Variants in GMEB1 observed in about 807,000 individuals in gnomAD.
GMEB1 encodes the protein glucocorticoid modulatory element binding protein 1, also known as glucocorticoid modulatory element-binding protein 1.
Under a neutral mutation model 52.4 loss-of-function variants are expected in GMEB1, and 6 were observed. The observed-to-expected ratio is 0.11, with a 90% CI of 0.06 to 0.23. GMEB1 has a LOEUF of 0.23. Ranked by LOEUF, GMEB1 falls within the 10% of genes least tolerant of loss-of-function variation. The pLI is 1.00. For synonymous variants in GMEB1, 255 were observed against 244.9 expected (o/e 1.04, Z -0.38); for missense variants, 486 against 685.6 (o/e 0.71, Z 3.25).
chr1:28,702,613 C>A, intron 7 of GMEB1, 44 bp downstream of exon 7: 1 of 1,575,394 alleles, frequency 6.3e-7, no homozygotes, highest in Non-Finnish European at 8.7e-7. Flanking sequence ...GTCTTGTGAG[C>A]CTTATCACCA....
At chr1:28,703,822 T>A (rs1306303980) in intron 7 of GMEB1, among the ~76,000 whole-genome samples, 1 of 152,142 alleles carries the variant, frequency 6.6e-6, no homozygotes, top group Non-Finnish European at 1.5e-5. Flanking sequence ...ACTATTTAAC[T>A]TTTATGATAT....
chr1:28,671,752 AT>A (rs1307319789), intron 1 of GMEB1, among the ~76,000 whole-genome samples: 2 of 151,754 alleles, frequency 1.3e-5, no homozygotes, highest in Non-Finnish European at 2.9e-5. Context: ...TCACTAAAAA[AT>A]AAATAAATAA....
intron 6 of GMEB1, among the ~76,000 whole-genome samples, chr1:28,701,336 C>T (rs1303987531): frequency 7.0e-6 from 1 of 142,950 alleles, no homozygotes; most frequent in Admixed American, 7.4e-5. Context: ...GTGGCGCGAT[C>T]TCGGCTCACT....
intron 1 of GMEB1, 135 bp from the exon 2 acceptor site, chr1:28,683,448 C>T (rs1669488154): frequency 3.2e-6 from 2 of 630,068 alleles, no homozygotes; most frequent in Admixed American, 6.1e-5. Context: ...TGGTCTTGAA[C>T]TCCCAACCTC....
rs897034916 is a variant in GMEB1, at chr1:28,714,346, G to A, written c.1265G>A (p.Ser422Asn). The stretch of plus-strand genomic sequence containing the variant: ...GTGGCCACCCTCAGCCAGGGCTCCA[G>A]TCCTGTGACTGTCCACACACTGCCT... ...IPVATLSQGS[S>N]PVTVHTLPSG... is the part of the protein sequence containing the mutation. Residue 422 changes from serine to asparagine, a missense_variant, in exon 10 of 10, where the codon AGT (serine) becomes AAT (asparagine). Ser to Asn is a conservative substitution (Grantham distance 46). Transcript: ENST00000373816. The A allele has an allele frequency of 4.3e-6, 7 of 1,614,048 alleles. No homozygotes were observed. In the African/African-American group the frequency reaches 8.0e-5, roughly 18 times the overall value.
chr1:28,684,598 A>G (rs1232580899), intron 2 of GMEB1, among the ~76,000 whole-genome samples: 1 of 151,340 alleles, frequency 6.6e-6, no homozygotes, highest in African/African-American at 2.4e-5. Context: ...GCCTACATGG[A>G]TGGAGCTGGA....
chr1:28,683,562 G>T (rs1341830938), intron 1 of GMEB1, 21 bp from the exon 2 acceptor site: 1 of 1,558,854 alleles, frequency 6.4e-7, no homozygotes, highest in Non-Finnish European at 8.7e-7. Flanking sequence ...TTAAGTTATT[G>T]GTGCTTCTTG....
At chr1:28,694,204 T>G (rs1385736783) in intron 5 of GMEB1, among the ~76,000 whole-genome samples, 1 of 151,100 alleles carries the variant, frequency 6.6e-6, no homozygotes, top group Non-Finnish European at 1.5e-5. Flanking sequence ...TTTTTTTTTT[T>G]TTTTTGAGAC....
intron 7 of GMEB1, among the ~76,000 whole-genome samples, chr1:28,702,805 A>G (rs1670577731): frequency 6.6e-6 from 1 of 152,156 alleles, no homozygotes; most frequent in African/African-American, 2.4e-5. Context: ...TAATTCCAGC[A>G]CTTTGGGAGG....
chr1:28,684,013 A>G (rs915945590), intron 2 of GMEB1, among the ~76,000 whole-genome samples: 5 of 151,324 alleles, frequency 3.3e-5, no homozygotes, highest in Non-Finnish European at 7.4e-5. Context: ...TTTTATTATT[A>G]TTTTTCTTGA....
At chr1:28,679,668 TATA>T (rs1557497959) in intron 1 of GMEB1, among the ~76,000 whole-genome samples, 1 of 152,116 alleles carries the variant, frequency 6.6e-6, no homozygotes, top group Admixed American at 6.6e-5. Flanking sequence ...AGAGACTCAA[TATA>T]ATATTTGTTG....
intron 2 of GMEB1, among the ~76,000 whole-genome samples, 185 bp downstream of exon 2, chr1:28,683,925 G>C (rs1294533539): frequency 1.3e-5 from 2 of 152,104 alleles, no homozygotes; most frequent in Non-Finnish European, 2.9e-5. Context: ...ATTACCAACA[G>C]TTACTTGTTT....
At chr1:28,675,403 C>G (rs1352351945) in intron 1 of GMEB1, among the ~76,000 whole-genome samples, 1 of 151,624 alleles carries the variant, frequency 6.6e-6, no homozygotes, top group Non-Finnish European at 1.5e-5. Flanking sequence ...GAGAGATCGG[C>G]CGGGGTGGCT....
chr1:28,698,390 AG>A, intron 6 of GMEB1, among the ~76,000 whole-genome samples: 1 of 151,056 alleles, frequency 6.6e-6, no homozygotes, highest in African/African-American at 2.4e-5. Context: ...AAAAAAAAAA[AG>A]AAGCCTGGGC....
At position 28,714,862 on chromosome 1, in the gene GMEB1, G is replaced by C. The variant is rs1236149208; in HGVS notation, c.*89G>C. The C allele has an allele frequency of 1.5e-5, 13 of 874,020 alleles. No homozygotes were observed. The highest frequency in any genetic ancestry group is 1.2e-5 in the Non-Finnish European group (7 of 576,600). The allele number at this position is 874,020 out of a possible 1,614,324, so 54.1% of individuals were successfully genotyped here. A position where few individuals can be genotyped will look rare whatever the true frequency, so the allele number is the denominator to read the frequency against. ...TCATTGTCCCACTCATTTCCACATAGGACCCTTTTTTAAAAAAAAAAAAAC... is the reference window on the plus strand; with the variant it reads ...TCATTGTCCCACTCATTTCCACATACGACCCTTTTTTAAAAAAAAAAAAAC... On this transcript the variant is annotated 3_prime_UTR_variant, in exon 10 of 10. Transcript: ENST00000373816.
At chr1:28,682,882 A>G (rs1035576875) in intron 1 of GMEB1, among the ~76,000 whole-genome samples, 1 of 152,158 alleles carries the variant, frequency 6.6e-6, no homozygotes, top group Admixed American at 6.6e-5. Context: ...TGGAAAAACA[A>G]AATACTCTGA....
In GMEB1 at chr1:28,691,151, C is replaced by T. The variant is rs181696159; in HGVS notation, c.212-434C>T. 4.6e-5 allele frequency among the ~76,000 whole-genome samples: 7 copies of T among 151,426 alleles called. No individual in the cohort carries two copies. The East Asian group carries it at 1.2e-3, about 25-fold the overall frequency. On this transcript the variant is annotated intron_variant, in intron 3 of 9. Coordinates refer to ENST00000373816, the MANE Select transcript of GMEB1 (RefSeq NM_001319674.2). Reference sequence around the variant, plus strand: ...ACTAAAAATACAAAAATTAGCCGGGCGTGGTGGTGTGTGGTATATGGTTAT... The same window carrying T: ...ACTAAAAATACAAAAATTAGCCGGGTGTGGTGGTGTGTGGTATATGGTTAT...
chr1:28,674,418 G>GA (rs1669045798), intron 1 of GMEB1, among the ~76,000 whole-genome samples: 1 of 151,830 alleles, frequency 6.6e-6, no homozygotes, highest in Non-Finnish European at 1.5e-5. Context: ...TTATTTTTTT[G>GA]AGACGGAGTC....
At chr1:28,690,409 G>A (rs1669906719) in intron 3 of GMEB1, among the ~76,000 whole-genome samples, 2 of 151,956 alleles carry the variant, frequency 1.3e-5, no homozygotes, top group Admixed American at 6.6e-5. Context: ...TGTCAATTTG[G>A]AAGGGTAACT....
Sources: gnomAD v4.1 joint callset for allele counts (sites outside exome capture counted in the v4.1 genomes callset) on GRCh38, gnomAD v4.1.1 for gene constraint, MANE v1.5 for transcripts, NCBI Gene and HGNC (gene_info 2026-07-23, HGNC 2026-07-21) for gene names.